IPCEF1: variants seen among roughly 807,000 people sequenced by gnomAD.
IPCEF1 encodes the protein interactor protein for cytohesin exchange factors 1.
In IPCEF1, 31 loss-of-function variants were observed where a neutral mutation model predicts 50.9. That is an observed-to-expected ratio of 0.61 (90% confidence interval 0.46 to 0.82). The LOEUF (loss-of-function observed/expected upper bound fraction) is 0.82. Ranked by LOEUF, IPCEF1 falls within the 40% of genes least tolerant of loss-of-function variation. IPCEF1 has a pLI of 0.00. For missense variants in IPCEF1, 458 were observed against 514.0 expected (o/e 0.89, Z 1.05); for synonymous variants, 181 against 192.0 (o/e 0.94, Z 0.47).
chr6:154,254,987 G>A (rs2128647885), intron 3 of IPCEF1, among the ~76,000 whole-genome samples: 1 of 151,866 alleles, frequency 6.6e-6, no homozygotes, highest in South Asian at 2.1e-4. Flanking sequence ...GCATAACTTA[G>A]CATATTGTAA....
intron 1 of IPCEF1, among the ~76,000 whole-genome samples, chr6:154,320,676 G>A (rs1223975296): frequency 6.6e-6 from 1 of 152,242 alleles, no homozygotes; most frequent in East Asian, 1.9e-4. Flanking sequence ...CGTACCAATT[G>A]TGCGTGAATG....
At chr6:154,182,886 T>C (rs9479780) in intron 10 of IPCEF1, among the ~76,000 whole-genome samples, 96,347 of 152,134 alleles carry the variant, frequency 0.63, 31,441 homozygotes, top group African/African-American at 0.78. Context: ...ACACTTCAGG[T>C]CAAGAACAGG....
At chr6:154,283,899 C>T (rs1782290474) in intron 2 of IPCEF1, among the ~76,000 whole-genome samples, 2 of 152,004 alleles carry the variant, frequency 1.3e-5, no homozygotes, top group Admixed American at 1.3e-4. Context: ...TACGTGAAAA[C>T]ATTGCTTGGT....
intron 1 of IPCEF1, among the ~76,000 whole-genome samples, chr6:154,295,048 A>G (rs925815730): frequency 6.6e-6 from 1 of 152,016 alleles, no homozygotes; most frequent in African/African-American, 2.4e-5. Flanking sequence ...AATACAAAAA[A>G]TTAGTCGGGT....
chr6:154,353,024 A>T (rs1202220511), intron 1 of IPCEF1, among the ~76,000 whole-genome samples: 1 of 152,236 alleles, frequency 6.6e-6, no homozygotes, highest in African/African-American at 2.4e-5. Context: ...TTTTCATGTC[A>T]TTCTAGGAAT....
At chr6:154,337,580 A>T (rs543738389) in intron 1 of IPCEF1, among the ~76,000 whole-genome samples, 1 of 152,242 alleles carries the variant, frequency 6.6e-6, no homozygotes, top group African/African-American at 2.4e-5. Flanking sequence ...GAATTAGCCA[A>T]TGTATGTGAG....
chr6:154,337,741 A>G (rs1219776865), intron 1 of IPCEF1, among the ~76,000 whole-genome samples: 1 of 152,202 alleles, frequency 6.6e-6, no homozygotes, highest in Non-Finnish European at 1.5e-5. Context: ...CCTAAGGGCA[A>G]ATGTATGAAC....
chr6:154,338,798 T>G (rs1783843515), intron 1 of IPCEF1, among the ~76,000 whole-genome samples: 1 of 152,084 alleles, frequency 6.6e-6, no homozygotes, highest in Non-Finnish European at 1.5e-5. Context: ...AAAGCACACC[T>G]GTGGTCCCAG....
intron 7 of IPCEF1, among the ~76,000 whole-genome samples, chr6:154,216,526 T>C (rs1778407708): frequency 6.6e-6 from 1 of 152,192 alleles, no homozygotes; most frequent in Admixed American, 6.5e-5. Context: ...TTTTTGTATG[T>C]GCATGAATTG....
intron 2 of IPCEF1, among the ~76,000 whole-genome samples, chr6:154,267,661 C>T (rs903533506): frequency 6.6e-6 from 1 of 152,184 alleles, no homozygotes; most frequent in African/African-American, 2.4e-5. Context: ...GTGGGTAATT[C>T]CTCTCCATAG....
chr6:154,155,011 GGT>G lies in IPCEF1; in HGVS notation c.*4815_*4816del. 1 of 151,352 alleles carries G rather than the reference GGT, an allele frequency of 6.6e-6. No homozygotes were observed. Among genetic ancestry groups the G allele is most frequent in the South Asian group, 2.1e-4 (1 of 4,780 alleles). The allele number at this position is 151,352 out of a possible 1,614,324, so 9.4% of individuals were successfully genotyped here. On this transcript the variant is annotated 3_prime_UTR_variant, in exon 12 of 12. Transcript: ENST00000367220. The stretch of plus-strand genomic sequence containing the variant: ...AGGCACACTTCCCTTTTGGGCTAAA[GGT>G]TAAAAAAAAAAAATTCAAATACAAT...
chr6:154,354,742 C>T (rs1227426512), intron 1 of IPCEF1, among the ~76,000 whole-genome samples: 1 of 152,154 alleles, frequency 6.6e-6, no homozygotes, highest in African/African-American at 2.4e-5. Context: ...CCTTTCTTTA[C>T]TCCACACCTT....
intron 7 of IPCEF1, among the ~76,000 whole-genome samples, chr6:154,214,733 G>T (rs920294600): frequency 2.0e-5 from 3 of 152,090 alleles, no homozygotes; most frequent in African/African-American, 7.2e-5. Context: ...ATATTTTTAT[G>T]TCAATCAGTA....
intron 2 of IPCEF1, among the ~76,000 whole-genome samples, chr6:154,269,871 C>T (rs1418683017): frequency 1.3e-5 from 2 of 152,168 alleles, no homozygotes; most frequent in African/African-American, 4.8e-5. Flanking sequence ...TTCAGCTAAC[C>T]AGGTTAACCA....
At chr6:154,180,894 T>C (rs1800814124) in intron 10 of IPCEF1, among the ~76,000 whole-genome samples, 1 of 152,132 alleles carries the variant, frequency 6.6e-6, no homozygotes, top group South Asian at 2.1e-4. Flanking sequence ...AAAATTTAGG[T>C]AGAAAACAGC....
intron 2 of IPCEF1, among the ~76,000 whole-genome samples, chr6:154,281,725 G>A (rs537019014): frequency 1.8e-4 from 28 of 151,936 alleles, no homozygotes; most frequent in African/African-American, 4.3e-4. Context: ...CCTGGAGGCC[G>A]GGCACTGTGG....
At chr6:154,206,327 T>C (rs1185375322) in intron 9 of IPCEF1, among the ~76,000 whole-genome samples, 5 of 152,192 alleles carry the variant, frequency 3.3e-5, no homozygotes, top group African/African-American at 7.2e-5. Context: ...GCAAAAGCAC[T>C]AGACAAGTGG....
At chr6:154,216,671 C>T (rs984826592) in intron 7 of IPCEF1, among the ~76,000 whole-genome samples, 1 of 152,122 alleles carries the variant, frequency 6.6e-6, no homozygotes, top group Non-Finnish European at 1.5e-5. Flanking sequence ...AGTTGGAGAC[C>T]AGCCTGACCA....
At chr6:154,331,042 GGATCACTTGA>G (rs1198129852) in intron 1 of IPCEF1, among the ~76,000 whole-genome samples, 2 of 152,054 alleles carry the variant, frequency 1.3e-5, no homozygotes, top group Non-Finnish European at 2.9e-5. Context: ...CGAGGCGGGT[GGATCACTTGA>G]GATCAGGAGT....
Sources: gnomAD v4.1 joint callset for allele counts (sites outside exome capture counted in the v4.1 genomes callset) on GRCh38, gnomAD v4.1.1 for gene constraint, MANE v1.5 for transcripts, NCBI Gene and HGNC (gene_info 2026-07-23, HGNC 2026-07-21) for gene names.